The following PRKG1 variants were observed in gnomAD, a reference collection of about 807,000 sequenced individuals.
PRKG1 encodes the protein cGMP-dependent protein kinase 1.
Under a neutral mutation model 88.1 loss-of-function variants are expected in PRKG1, and 35 were observed. The ratio of observed to expected loss-of-function variants is 0.40; its 90% CI spans 0.30 to 0.53. PRKG1 has a LOEUF of 0.53. Ranked by LOEUF, PRKG1 falls within the 20% of genes least tolerant of loss-of-function variation. The probability of loss-of-function intolerance (pLI) is 0.59; values close to 1 mark genes in which losing one functional copy is unlikely to be tolerated. For synonymous variants in PRKG1, 303 were observed against 292.5 expected, an observed-to-expected ratio of 1.04 and a Z score of -0.37; for missense variants, 540 against 839.8, an observed-to-expected ratio of 0.64 and a Z score of 4.41.
intron 8 of PRKG1, among the ~76,000 whole-genome samples, chr10:52,155,744 C>CACACACACAT (rs1838077040): frequency 6.6e-6 from 1 of 151,684 alleles, no homozygotes; most frequent in Non-Finnish European, 1.5e-5. Context: ...CACACACACA[C>CACACACACAT]ACACACACAC....
At chr10:52,145,771 ACTTTT>A (rs765467046) in intron 8 of PRKG1, among the ~76,000 whole-genome samples, 2 of 152,092 alleles carry the variant, frequency 1.3e-5, no homozygotes, top group South Asian at 2.1e-4. Context: ...AAGATCTAAG[ACTTTT>A]CTTTTCTTTT....
intron 7 of PRKG1, among the ~76,000 whole-genome samples, chr10:52,097,302 A>G (rs1400287294): frequency 6.6e-6 from 1 of 152,162 alleles, no homozygotes; most frequent in Non-Finnish European, 1.5e-5. Flanking sequence ...AAAGAAGGTA[A>G]GAATGAGTTC....
chr10:52,021,499 T>C (rs1292366654), intron 5 of PRKG1, among the ~76,000 whole-genome samples: 2 of 151,818 alleles, frequency 1.3e-5, no homozygotes, highest in African/African-American at 4.9e-5. Context: ...GCTGCTGATA[T>C]GGGAAGATGT....
intron 4 of PRKG1, among the ~76,000 whole-genome samples, chr10:51,833,153 A>G (rs2132757293): frequency 6.6e-6 from 1 of 152,274 alleles, no homozygotes; most frequent in East Asian, 1.9e-4. Context: ...GAGGGACCTG[A>G]CTTGCTGAGT....
rs1048770299 is a variant in PRKG1, at chr10:52,239,546, G to C, written c.1077-12024G>C. On this transcript the variant is annotated intron_variant, in intron 9 of 17. Transcript: ENST00000373980. ...TAAAAAAAAAAAAAAAAAAAAAAAAGAATTGTCATAATAGGCCTGAATGCC... is the reference window on the plus strand; with the variant it reads ...TAAAAAAAAAAAAAAAAAAAAAAAACAATTGTCATAATAGGCCTGAATGCC... Among the ~76,000 whole-genome samples, 37 of 44,752 alleles carry C rather than the reference G, an allele frequency of 8.3e-4. 1 individual carries two copies. The highest frequency in any genetic ancestry group is 3.3e-3 in the African/African-American group (37 of 11,370). 29.4% of individuals were successfully genotyped at this position (44,752 alleles called of 152,430 possible).
Position 51,856,975 on chromosome 10 carries a change from G to GA in PRKG1, c.699-50519dup, listed in dbSNP as rs751399864. On this transcript the variant is annotated intron_variant, in intron 4 of 17. Coordinates refer to ENST00000373980, the MANE Select transcript of PRKG1 (RefSeq NM_006258.4). The stretch of plus-strand genomic sequence containing the variant: ...CGAGACTCCGTCTTACTAAAAAAAA[G>GA]AAAAAAAAAAAAAGAAAGAAAGTAA... 6.6e-4 allele frequency among the ~76,000 whole-genome samples: 51 copies of GA among 77,050 alleles called. 1 individual carries two copies. The highest frequency in any genetic ancestry group is 0.013 in the Middle Eastern group (2 of 158). 50.5% of individuals were successfully genotyped at this position (77,050 alleles called of 152,430 possible). A position where few individuals can be genotyped will look rare whatever the true frequency, so the allele number is the denominator to read the frequency against.
intron 2 of PRKG1, among the ~76,000 whole-genome samples, chr10:51,360,372 T>C (rs1452908194): frequency 6.6e-6 from 1 of 151,934 alleles, no homozygotes; most frequent in African/African-American, 2.4e-5. Flanking sequence ...GACATCAGCC[T>C]CCAGCATATA....
intron 3 of PRKG1, among the ~76,000 whole-genome samples, chr10:51,671,566 C>G (rs1348554388): frequency 6.6e-6 from 1 of 151,368 alleles, no homozygotes; most frequent in Non-Finnish European, 1.5e-5. Flanking sequence ...GTCTCAGTGC[C>G]TCTTCTTCTC....
chr10:52,115,358 A>T (rs1384525367), intron 7 of PRKG1, among the ~76,000 whole-genome samples: 1 of 151,964 alleles, frequency 6.6e-6, no homozygotes, highest in Non-Finnish European at 1.5e-5. Flanking sequence ...GCCATTTAGA[A>T]TTTTTTCTGT....
chr10:52,011,843 G>A (rs944413625), intron 5 of PRKG1, among the ~76,000 whole-genome samples: 2 of 152,096 alleles, frequency 1.3e-5, no homozygotes, highest in African/African-American at 4.8e-5. Context: ...CAGGTCTTAT[G>A]CTGTTCTCGT....
chr10:52,034,150 C>T (rs1309783595), intron 5 of PRKG1, among the ~76,000 whole-genome samples: 5 of 152,020 alleles, frequency 3.3e-5, no homozygotes, highest in South Asian at 2.1e-4. Flanking sequence ...GCCATCTGGG[C>T]GTACATGTGC....
chr10:51,062,008 G>GT (rs1354960014), intron 1 of PRKG1, among the ~76,000 whole-genome samples: 3 of 152,092 alleles, frequency 2.0e-5, no homozygotes, highest in Admixed American at 1.3e-4. Flanking sequence ...GTACCTAATT[G>GT]TTTTTTATTG....
At chr10:52,055,387 G>A (rs1483386068) in intron 6 of PRKG1, among the ~76,000 whole-genome samples, 1 of 152,104 alleles carries the variant, frequency 6.6e-6, no homozygotes, top group East Asian at 1.9e-4. Context: ...TACTAAAGGT[G>A]ATAAATTATA....
At chr10:51,275,945 G>A (rs1840104507) in intron 2 of PRKG1, among the ~76,000 whole-genome samples, 1 of 151,532 alleles carries the variant, frequency 6.6e-6, no homozygotes, top group Non-Finnish European at 1.5e-5. Flanking sequence ...AAAGCCTAAA[G>A]CAAAGAAGAT....
At chr10:52,127,756 A>G (rs535549389) in intron 7 of PRKG1, among the ~76,000 whole-genome samples, 150 of 152,232 alleles carry the variant, frequency 9.9e-4, no homozygotes, top group Non-Finnish European at 1.8e-3. Context: ...GCATGATTAG[A>G]AGGTATATAA....
intron 2 of PRKG1, among the ~76,000 whole-genome samples, chr10:51,430,216 A>G (rs1037883818): frequency 6.6e-5 from 10 of 151,908 alleles, no homozygotes; most frequent in Non-Finnish European, 1.5e-4. Flanking sequence ...AGGAGTCAAG[A>G]CCAGCCTGGG....
At chr10:51,853,988 C>CA (rs574756242) in intron 4 of PRKG1, among the ~76,000 whole-genome samples, 8 of 151,924 alleles carry the variant, frequency 5.3e-5, no homozygotes, top group Admixed American at 3.9e-4. Flanking sequence ...GTTTTCACTT[C>CA]AAAAAACAGC....
At chr10:51,135,815 A>G (rs1845671280) in intron 1 of PRKG1, among the ~76,000 whole-genome samples, 1 of 152,054 alleles carries the variant, frequency 6.6e-6, no homozygotes, top group African/African-American at 2.4e-5. Flanking sequence ...AGGATTAAAT[A>G]TGGATATTGG....
At chr10:52,224,226 T>A (rs956113131) in intron 9 of PRKG1, among the ~76,000 whole-genome samples, 1 of 152,032 alleles carries the variant, frequency 6.6e-6, no homozygotes, top group Non-Finnish European at 1.5e-5. Flanking sequence ...CCAGCCACTA[T>A]AACTGTCTTG....
Sources: gnomAD v4.1 joint callset for allele counts (sites outside exome capture counted in the v4.1 genomes callset) on GRCh38, gnomAD v4.1.1 for gene constraint, MANE v1.5 for transcripts, NCBI Gene and HGNC (gene_info 2026-07-23, HGNC 2026-07-21) for gene names.